Variants in SULF1 observed in about 807,000 individuals in gnomAD.
SULF1 encodes extracellular sulfatase Sulf-1.
A neutral mutation model predicts 110.5 loss-of-function variants in SULF1; 46 were observed. The ratio of observed to expected loss-of-function variants is 0.42; its 90% CI spans 0.33 to 0.53. SULF1 has a LOEUF of 0.53. Ranked by LOEUF, SULF1 falls within the 20% of genes least tolerant of loss-of-function variation. The probability of loss-of-function intolerance (pLI) is 0.12; values close to 1 mark genes in which losing one functional copy is unlikely to be tolerated. For synonymous variants in SULF1, 371 were observed against 387.1 expected (o/e 0.96, Z 0.49); for missense variants, 941 against 1,094.2 (o/e 0.86, Z 1.98).
chr8:69,609,052 T>A (rs1355626654), intron 13 of SULF1, among the ~76,000 whole-genome samples: 3 of 152,194 alleles, frequency 2.0e-5, no homozygotes, highest in Non-Finnish European at 4.4e-5. Context: ...TAAACTCACC[T>A]GGGGCCGAGC....
At chr8:69,540,467 A>G (rs550592781) in intron 3 of SULF1, among the ~76,000 whole-genome samples, 5 of 152,334 alleles carry the variant, frequency 3.3e-5, no homozygotes, top group Admixed American at 2.0e-4. Context: ...GAGGACATCT[A>G]CTTCTCAAAG....
At chr8:69,469,764 G>C (rs1396512258) in intron 1 of SULF1, among the ~76,000 whole-genome samples, 2 of 152,160 alleles carry the variant, frequency 1.3e-5, no homozygotes, top group African/African-American at 4.8e-5. Context: ...TCCTAGGACC[G>C]GGCACAGTGG....
chr8:69,639,715 G>T (rs768859510), intron 21 of SULF1, among the ~76,000 whole-genome samples: 1 of 152,164 alleles, frequency 6.6e-6, no homozygotes, highest in African/African-American at 2.4e-5. Context: ...GTGCCGCTGG[G>T]TTTTCTCTGT....
intron 13 of SULF1, among the ~76,000 whole-genome samples, chr8:69,612,169 A>G (rs1347541079): frequency 6.6e-6 from 1 of 152,156 alleles, no homozygotes; most frequent in African/African-American, 2.4e-5. Context: ...TTGCTGCAAA[A>G]TACACATTAT....
At chr8:69,485,926 T>C (rs1409677611) in intron 1 of SULF1, among the ~76,000 whole-genome samples, 1 of 152,202 alleles carries the variant, frequency 6.6e-6, no homozygotes, top group African/African-American at 2.4e-5. Context: ...ACCCTAACAC[T>C]CTGAGTTTAC....
chr8:69,576,020 G>C lies in SULF1; in HGVS notation c.223G>C (p.Ala75Pro). The C allele has an allele frequency of 1.2e-6, 2 of 1,614,056 alleles. No individual in the cohort carries two copies. Among genetic ancestry groups the C allele is most frequent in the Non-Finnish European group, 1.7e-6 (2 of 1,179,968 alleles). Residue 75 changes from alanine to proline, a missense_variant, in exon 6 of 23, where the codon GCC becomes CCC. Physicochemically the swap from Ala to Pro is conservative, Grantham distance 27. This residue lies in a region of SULF1 where 822 missense variants were observed against 934.3 expected (regional missense o/e 0.88). Transcript: ENST00000402687. The part of the protein sequence containing the change: ...KTRKIMEHGG[A>P]TFINAFVTTP... Reference sequence around the variant, plus strand: ...GAGAAAGATTATGGAACATGGGGGGGCCACCTTCATCAATGCCTTTGTGAC... The same window carrying C: ...GAGAAAGATTATGGAACATGGGGGGCCCACCTTCATCAATGCCTTTGTGAC...
chr8:69,487,688 G>C (rs961500113), intron 1 of SULF1, among the ~76,000 whole-genome samples: 1 of 152,198 alleles, frequency 6.6e-6, no homozygotes, highest in African/African-American at 2.4e-5. Context: ...GAAGAGAGGG[G>C]AGGTGGCTAC....
At chr8:69,608,549 G>A (rs1808402145) in intron 13 of SULF1, among the ~76,000 whole-genome samples, 1 of 152,144 alleles carries the variant, frequency 6.6e-6, no homozygotes, top group African/African-American at 2.4e-5. Flanking sequence ...GCCAGGCGTG[G>A]TGGTGGGCAC....
At chr8:69,611,532 A>C (rs950186549) in intron 13 of SULF1, among the ~76,000 whole-genome samples, 1 of 152,192 alleles carries the variant, frequency 6.6e-6, no homozygotes, top group Non-Finnish European at 1.5e-5. Flanking sequence ...AAAATTTGAC[A>C]ATGACTTGAG....
chr8:69,487,762 T>G (rs935108443), intron 1 of SULF1, among the ~76,000 whole-genome samples: 3 of 152,238 alleles, frequency 2.0e-5, no homozygotes, highest in Admixed American at 2.0e-4. Context: ...TCATAAAGTT[T>G]CTCTCATAAG....
intron 19 of SULF1, among the ~76,000 whole-genome samples, chr8:69,635,593 C>T (rs910595767): frequency 4.6e-5 from 7 of 152,144 alleles, no homozygotes; most frequent in Admixed American, 6.5e-5. Flanking sequence ...AACTCTTGCC[C>T]GGGTGTGGTG....
At chr8:69,498,015 G>A (rs977321560) in intron 2 of SULF1, among the ~76,000 whole-genome samples, 1 of 152,090 alleles carries the variant, frequency 6.6e-6, no homozygotes, top group Admixed American at 6.5e-5. Context: ...AGAGTAAGAA[G>A]AGATATTGGA....
intron 1 of SULF1, among the ~76,000 whole-genome samples, chr8:69,475,905 A>AT (rs1328711167): frequency 3.3e-5 from 5 of 152,038 alleles, no homozygotes; most frequent in African/African-American, 1.2e-4. Flanking sequence ...TTAAAAAAAA[A>AT]TTTTCTCAGA....
chr8:69,584,206 G>A (rs1806284473), intron 6 of SULF1, among the ~76,000 whole-genome samples: 1 of 152,188 alleles, frequency 6.6e-6, no homozygotes. Flanking sequence ...CCTCCATCCT[G>A]GCTGGGAAAG....
chr8:69,511,225 C>A (rs1410462826), intron 3 of SULF1, among the ~76,000 whole-genome samples: 5 of 152,222 alleles, frequency 3.3e-5, no homozygotes, highest in Admixed American at 6.5e-5. Context: ...AGCATCTGTA[C>A]AGATGGAAAA....
intron 3 of SULF1, among the ~76,000 whole-genome samples, chr8:69,531,661 T>A (rs1813089989): frequency 6.6e-6 from 1 of 152,250 alleles, no homozygotes; most frequent in Non-Finnish European, 1.5e-5. Context: ...TCAGATTTAT[T>A]ATGACTGAGA....
At chr8:69,562,304 T>C (rs567346817) in intron 3 of SULF1, among the ~76,000 whole-genome samples, 5 of 152,340 alleles carry the variant, frequency 3.3e-5, no homozygotes, top group South Asian at 2.1e-4. Context: ...CTTCTTTCAC[T>C]ACCCCCTGTC....
At chr8:69,494,958 G>C (rs1412681063) in intron 1 of SULF1, among the ~76,000 whole-genome samples, 3 of 152,042 alleles carry the variant, frequency 2.0e-5, no homozygotes, top group African/African-American at 7.3e-5. Context: ...AGCAGTGTAG[G>C]TGGACAATAG....
At chr8:69,628,028 C>A in intron 17 of SULF1, 143 bp from the exon 18 acceptor site, 1 of 894,504 alleles carries the variant, frequency 1.1e-6, no homozygotes, top group Non-Finnish European at 1.8e-6. Context: ...TAAACTTAAG[C>A]AGAAAGTAAA....
Sources: gnomAD v4.1 joint callset for allele counts (sites outside exome capture counted in the v4.1 genomes callset) on GRCh38, gnomAD v4.1.1 for gene constraint, gnomAD v4.1.1 regional missense constraint, MANE v1.5 for transcripts, NCBI Gene and HGNC (gene_info 2026-07-23, HGNC 2026-07-21) for gene names.